The following LRRC4C variants were observed in gnomAD, a reference collection of about 807,000 sequenced individuals.
The protein encoded by LRRC4C is leucine rich repeat containing 4C.
A neutral mutation model predicts 33.6 loss-of-function variants in LRRC4C; 5 were observed. The observed-to-expected ratio is 0.15, with a 90% CI of 0.08 to 0.31. The LOEUF is 0.31. Ranked by LOEUF, LRRC4C falls within the 10% of genes least tolerant of loss-of-function variation. LRRC4C has a pLI of 1.00. For synonymous variants in LRRC4C, 329 were observed against 302.0 expected (o/e 1.09, Z -0.93); for missense variants, 560 against 796.7 (o/e 0.70, Z 3.58).
chr11:40,534,692 C>A (rs1344128993), intron 3 of LRRC4C, among the ~76,000 whole-genome samples: 1 of 152,150 alleles, frequency 6.6e-6, no homozygotes, highest in African/African-American at 2.4e-5. Flanking sequence ...TCACTATAGG[C>A]CTCAATGGGC....
intron 3 of LRRC4C, among the ~76,000 whole-genome samples, chr11:40,551,350 A>T (rs201654207): frequency 3.3e-4 from 50 of 151,854 alleles, no homozygotes; most frequent in Admixed American, 9.8e-4. Flanking sequence ...ATTTCAAGGA[A>T]TTTTTCCTGT....
intron 1 of LRRC4C, among the ~76,000 whole-genome samples, chr11:41,396,542 T>G (rs1289459407): frequency 6.6e-6 from 1 of 152,024 alleles, no homozygotes; most frequent in Admixed American, 6.6e-5. Flanking sequence ...TTGCTTCACT[T>G]AAAATAATCA....
chr11:40,654,115 G>T (rs1399092239), intron 2 of LRRC4C, among the ~76,000 whole-genome samples: 1 of 152,198 alleles, frequency 6.6e-6, no homozygotes, highest in Non-Finnish European at 1.5e-5. Flanking sequence ...TTTGCTGAGG[G>T]GCATAGCCCT....
At chr11:40,319,425 G>T (rs923027076) in intron 4 of LRRC4C, among the ~76,000 whole-genome samples, 3 of 152,158 alleles carry the variant, frequency 2.0e-5, no homozygotes, top group African/African-American at 7.2e-5. Context: ...TCTATTTAAT[G>T]CTGTAGTTAA....
In LRRC4C at chr11:41,175,906, C is replaced by A. The variant is rs561285013; in HGVS notation, c.-495-242183G>T. Reference sequence around the variant, plus strand: ...ACTCGATCTCCTTTCCTCTTCTCAGCCTAGCCAGCTCTTACTTTCTATTCC... The same window carrying A: ...ACTCGATCTCCTTTCCTCTTCTCAGACTAGCCAGCTCTTACTTTCTATTCC... On this transcript the variant is annotated intron_variant, in intron 1 of 6. Transcript: ENST00000528697. Among the ~76,000 whole-genome samples, 9 of 152,260 alleles carry A rather than the reference C, an allele frequency of 5.9e-5. No individual in the cohort carries two copies. The South Asian group carries it at 1.9e-3, about 32-fold the overall frequency.
intron 3 of LRRC4C, among the ~76,000 whole-genome samples, chr11:40,510,491 A>G (rs751341823): frequency 2.3e-4 from 35 of 152,214 alleles, no homozygotes; most frequent in Non-Finnish European, 4.4e-4. Flanking sequence ...TAAGTACAAT[A>G]AGAATCCTGT....
chr11:40,305,001 G>T (rs1011219938), intron 4 of LRRC4C, among the ~76,000 whole-genome samples: 2 of 152,102 alleles, frequency 1.3e-5, no homozygotes, highest in African/African-American at 4.8e-5. Flanking sequence ...TCTTGACCTC[G>T]TGATCTACCC....
At chr11:40,760,751 C>T (rs1270606645) in intron 2 of LRRC4C, among the ~76,000 whole-genome samples, 1 of 149,750 alleles carries the variant, frequency 6.7e-6, no homozygotes, top group Non-Finnish European at 1.5e-5. Flanking sequence ...GCTGAGACCA[C>T]AGTCACATGC....
chr11:40,660,896 C>T (rs1943398425), intron 2 of LRRC4C, among the ~76,000 whole-genome samples: 1 of 152,104 alleles, frequency 6.6e-6, no homozygotes, highest in East Asian at 1.9e-4. Flanking sequence ...TATGTCCCAA[C>T]AAATAATAAA....
At chr11:41,039,230 G>A (rs1299047065) in intron 1 of LRRC4C, among the ~76,000 whole-genome samples, 1 of 152,086 alleles carries the variant, frequency 6.6e-6, no homozygotes, top group Non-Finnish European at 1.5e-5. Context: ...TAGAAATTCA[G>A]CAAACCTTCA....
At chr11:40,618,162 G>A (rs1962054606) in intron 3 of LRRC4C, among the ~76,000 whole-genome samples, 1 of 151,664 alleles carries the variant, frequency 6.6e-6, no homozygotes, top group South Asian at 2.1e-4. Flanking sequence ...CTTTGAAGAT[G>A]TAATTGGCTA....
Position 41,453,834 on chromosome 11 carries a change from A to G in LRRC4C, c.-496+5597T>C, listed in dbSNP as rs565819738. ...ATATTTTGCAGTATATCACAAAAGG[A>G]ATTTCCTTAGTTCAATGCAAAGCTT... is the stretch of plus-strand genomic sequence containing the variant. On this transcript the variant is annotated intron_variant, in intron 1 of 6. Transcript: ENST00000528697. Among the ~76,000 whole-genome samples, 5 of 152,194 alleles carry G rather than the reference A, an allele frequency of 3.3e-5. No homozygotes were observed. In the South Asian group the frequency reaches 8.3e-4, roughly 25 times the overall value.
At chr11:40,161,670 G>A (rs1735135906) in intron 5 of LRRC4C, among the ~76,000 whole-genome samples, 1 of 152,094 alleles carries the variant, frequency 6.6e-6, no homozygotes, top group Admixed American at 6.5e-5. Context: ...CAGGAGAATT[G>A]CTTGAACCCG....
intron 3 of LRRC4C, among the ~76,000 whole-genome samples, chr11:40,492,913 T>C (rs771795172): frequency 2.0e-5 from 3 of 152,092 alleles, no homozygotes; most frequent in African/African-American, 2.4e-5. Flanking sequence ...CTCTTTCTGC[T>C]ACATTGCTAG....
intron 2 of LRRC4C, among the ~76,000 whole-genome samples, chr11:40,750,106 C>T (rs889265219): frequency 6.6e-6 from 1 of 151,966 alleles, no homozygotes; most frequent in African/African-American, 2.4e-5. Flanking sequence ...CCTGTAATCC[C>T]AGCTATTTGG....
chr11:40,495,782 C>T (rs1434000889), intron 3 of LRRC4C, among the ~76,000 whole-genome samples: 1 of 125,252 alleles, frequency 8.0e-6, no homozygotes, highest in Non-Finnish European at 1.6e-5. Context: ...GAACTTGGGA[C>T]ATCGATTTTA....
At chr11:41,239,522 C>T (rs1240856032) in intron 1 of LRRC4C, among the ~76,000 whole-genome samples, 1 of 152,018 alleles carries the variant, frequency 6.6e-6, no homozygotes, top group African/African-American at 2.4e-5. Context: ...TGGCTATTCC[C>T]TGTACCCGGA....
At chr11:40,680,081 C>T (rs546877922) in intron 2 of LRRC4C, among the ~76,000 whole-genome samples, 49 of 152,260 alleles carry the variant, frequency 3.2e-4, no homozygotes, top group Admixed American at 8.5e-4. Context: ...GTTTATGAGA[C>T]GTGGAATCAA....
intron 1 of LRRC4C, among the ~76,000 whole-genome samples, chr11:41,323,183 T>C (rs1002478338): frequency 6.6e-6 from 1 of 152,170 alleles, no homozygotes; most frequent in African/African-American, 2.4e-5. Context: ...TCTTTTAATC[T>C]ATTGCCCCCA....
Sources: gnomAD v4.1 joint callset for allele counts (sites outside exome capture counted in the v4.1 genomes callset) on GRCh38, gnomAD v4.1.1 for gene constraint, MANE v1.5 for transcripts, NCBI Gene and HGNC (gene_info 2026-07-23, HGNC 2026-07-21) for gene names.